The following RBMS3 variants were observed in gnomAD, a reference collection of about 807,000 sequenced individuals.
RBMS3 encodes RNA binding motif single stranded interacting protein 3.
A neutral mutation model predicts 66.8 loss-of-function variants in RBMS3; 27 were observed. The ratio of observed to expected loss-of-function variants is 0.40; its 90% CI spans 0.30 to 0.56. RBMS3 has a LOEUF of 0.56. Ranked by LOEUF, RBMS3 falls within the 20% of genes least tolerant of loss-of-function variation. RBMS3 has a pLI of 0.40. For synonymous variants in RBMS3, 188 were observed against 183.0 expected, an observed-to-expected ratio of 1.03 and a Z score of -0.22; for missense variants, 513 against 549.5, an observed-to-expected ratio of 0.93 and a Z score of 0.66.
intron 6 of RBMS3, among the ~76,000 whole-genome samples, chr3:29,856,660 C>T (rs145057988): frequency 6.6e-6 from 1 of 152,296 alleles, no homozygotes; most frequent in African/African-American, 2.4e-5. Flanking sequence ...AGCTATTCAA[C>T]CTTCTCCTGG....
intron 4 of RBMS3, among the ~76,000 whole-genome samples, chr3:29,592,071 T>C (rs868423181): frequency 3.3e-5 from 5 of 151,498 alleles, no homozygotes; most frequent in Middle Eastern, 3.4e-3. Flanking sequence ...TCAATGACCT[T>C]GACAGTAGTT....
chr3:30,001,397 CTG>C (rs991101659), intron 14 of RBMS3, among the ~76,000 whole-genome samples: 3 of 150,964 alleles, frequency 2.0e-5, no homozygotes, highest in Non-Finnish European at 4.4e-5. Context: ...AATATATTCA[CTG>C]TGCCTTTTTT....
At chr3:29,424,194 AT>A (rs1461289257) in intron 1 of RBMS3, among the ~76,000 whole-genome samples, 2 of 152,222 alleles carry the variant, frequency 1.3e-5, no homozygotes, top group Admixed American at 1.3e-4. Context: ...AATGGGTATA[AT>A]TTTAGGTGAT....
At chr3:29,901,043 TAGTTTACCACAGCAGAA>T in intron 10 of RBMS3, among the ~76,000 whole-genome samples, 1 of 151,892 alleles carries the variant, frequency 6.6e-6, no homozygotes, top group Admixed American at 6.6e-5. Flanking sequence ...AAAATATATG[TAGTTTACCACAGCAGAA>T]CTTTGTACCA....
intron 12 of RBMS3, among the ~76,000 whole-genome samples, chr3:29,961,112 A>T (rs1257023657): frequency 6.6e-6 from 1 of 152,048 alleles, no homozygotes; most frequent in Non-Finnish European, 1.5e-5. Flanking sequence ...CCTCTTGAAT[A>T]TTTTGTGGCC....
chr3:29,978,377 T>A (rs1477994460), intron 12 of RBMS3, among the ~76,000 whole-genome samples: 1 of 152,124 alleles, frequency 6.6e-6, no homozygotes, highest in African/African-American at 2.4e-5. Context: ...TCCATAGCAT[T>A]GATTAGTTTA....
intron 1 of RBMS3, among the ~76,000 whole-genome samples, chr3:29,372,028 A>G (rs1320840892): frequency 6.6e-6 from 1 of 152,174 alleles, no homozygotes; most frequent in East Asian, 1.9e-4. Flanking sequence ...TCACAGAACA[A>G]CAAGCATAGC....
chr3:29,606,585 T>C (rs945380942), intron 4 of RBMS3, among the ~76,000 whole-genome samples: 12 of 151,922 alleles, frequency 7.9e-5, no homozygotes, highest in African/African-American at 2.2e-4. Context: ...TAATTTCTTA[T>C]AATAAGTAGG....
chr3:29,880,608 T>G lies in RBMS3; in HGVS notation c.745-3554T>G, dbSNP rs192033340. On this transcript the variant is annotated intron_variant, in intron 7 of 14. Transcript: ENST00000383767. Reference sequence around the variant, plus strand: ...TTAGAATTATGACTCAACAATCTATTACACATGAAGTGGAAACCAGGTGTA... The same window carrying G: ...TTAGAATTATGACTCAACAATCTATGACACATGAAGTGGAAACCAGGTGTA... 6.6e-5 allele frequency among the ~76,000 whole-genome samples: 10 copies of G among 152,290 alleles called. No individual in the cohort carries two copies. In the East Asian group the frequency reaches 1.7e-3, roughly 27 times the overall value.
At chr3:29,330,060 A>G (rs564129840) in intron 1 of RBMS3, among the ~76,000 whole-genome samples, 1 of 152,194 alleles carries the variant, frequency 6.6e-6, no homozygotes, top group African/African-American at 2.4e-5. Flanking sequence ...CTATGACATC[A>G]CTAGGGACTA....
intron 2 of RBMS3, among the ~76,000 whole-genome samples, chr3:29,448,975 AAC>A (rs1242684982): frequency 6.6e-6 from 1 of 152,178 alleles, no homozygotes; most frequent in Non-Finnish European, 1.5e-5. Flanking sequence ...TATTGTAATA[AAC>A]ACTTAAGTTG....
chr3:29,620,514 G>A (rs1221355058), intron 4 of RBMS3, among the ~76,000 whole-genome samples: 1 of 152,052 alleles, frequency 6.6e-6, no homozygotes, highest in Non-Finnish European at 1.5e-5. Flanking sequence ...TATGACATGG[G>A]TCACTGTTCT....
intron 1 of RBMS3, among the ~76,000 whole-genome samples, chr3:29,393,024 A>G (rs528543692): frequency 6.6e-6 from 1 of 152,264 alleles, no homozygotes; most frequent in Non-Finnish European, 1.5e-5. Flanking sequence ...AAGAGCCACT[A>G]TTTCCACAGA....
intron 6 of RBMS3, among the ~76,000 whole-genome samples, chr3:29,828,982 CTT>C (rs1232515555): frequency 9.8e-5 from 1 of 10,224 alleles, no homozygotes; most frequent in South Asian, 3.8e-3. Context: ...GAGTGACTTT[CTT>C]TCTTTCTTTC....
chr3:29,944,103 C>G, intron 11 of RBMS3, 104 bp from the exon 12 acceptor site: 1 of 1,023,664 alleles, frequency 9.8e-7, no homozygotes. Flanking sequence ...GTGGGTCAGG[C>G]AACCATATGA....
intron 12 of RBMS3, among the ~76,000 whole-genome samples, chr3:29,980,385 G>A (rs369739988): frequency 3.3e-5 from 5 of 152,080 alleles, no homozygotes; most frequent in African/African-American, 1.2e-4. Flanking sequence ...TGTAGGTCGC[G>A]TGTTCACTCT....
In RBMS3 at chr3:29,339,059, C is replaced by CCT. The variant is rs571962128; in HGVS notation, c.75+57306_75+57307dup. On this transcript the variant is annotated intron_variant, in intron 1 of 14. Transcript: ENST00000383767. ...ACTGTAAGCCAGGAGACTCCAGGAT[C>CCT]CTCTAACTCTTGTTGGCCTCTCACC... is the stretch of plus-strand genomic sequence containing the variant. Among the ~76,000 whole-genome samples, 32 of 152,300 alleles carry CCT rather than the reference C, an allele frequency of 2.1e-4. No homozygotes were observed. The South Asian group carries it at 6.6e-3, about 32-fold the overall frequency.
chr3:29,880,716 T>A (rs1198162540), intron 7 of RBMS3: 23 of 1,447,408 alleles, frequency 1.6e-5, no homozygotes, highest in South Asian at 1.5e-4. Flanking sequence ...GCCATGTTGT[T>A]ACCCACAATG....
chr3:29,997,530 G>A (rs1243467606), intron 14 of RBMS3, among the ~76,000 whole-genome samples: 1 of 150,236 alleles, frequency 6.7e-6, no homozygotes, highest in Non-Finnish European at 1.5e-5. Flanking sequence ...TAAAATACTG[G>A]CAAAACGAAT....
Sources: allele counts gnomAD v4.1 joint callset (sites outside exome capture counted in the v4.1 genomes callset), GRCh38; gene constraint gnomAD v4.1.1; transcripts MANE v1.5; gene names NCBI Gene and HGNC (gene_info 2026-07-23, HGNC 2026-07-21).